The following PTCH2 variants were observed in gnomAD, a reference collection of about 807,000 sequenced individuals.
The protein encoded by PTCH2 is patched 2.
In PTCH2, 96 loss-of-function variants were observed where a neutral mutation model predicts 117.9. The observed-to-expected ratio is 0.81, with a 90% CI of 0.69 to 0.96. The LOEUF is 0.96. PTCH2 is among the 50% of genes least tolerant of loss of function. The pLI is 0.00. For synonymous variants in PTCH2, 615 were observed against 660.9 expected (o/e 0.93, Z 1.06); for missense variants, 1,379 against 1,562.5 (o/e 0.88, Z 1.98).
intron 2 of PTCH2, among the ~76,000 whole-genome samples, chr1:44,835,061 A>G (rs1653624980): frequency 6.6e-6 from 1 of 152,164 alleles, no homozygotes; most frequent in Non-Finnish European, 1.5e-5. Context: ...AGATTGATAC[A>G]TGAAAAAACA....
In PTCH2 at chr1:44,826,636, T is replaced by G; in HGVS notation, c.2828A>C (p.His943Pro). 6.2e-7 allele frequency: 1 copy of G among 1,612,732 alleles called. No homozygotes were observed. Residue 943 changes from histidine (H) to proline (P), a missense_variant, in exon 18 of 22, where the codon CAC becomes CCC. Coordinates refer to ENST00000372192, the MANE Select transcript of PTCH2 (RefSeq NM_003738.5). The surrounding 1 kb of genome is among the most constrained non-coding windows in gnomAD (Gnocchi z 5.1). ...GAAGGGGGAGCCGCTGGGGTAGGCG[T>G]GCACCCCAGCCTGGCCGGCCTCTGC... ...ACAEAGQAGVHAYPSGSPFLF... is the reference protein window; with the variant it reads ...ACAEAGQAGVPAYPSGSPFLF...
intron 2 of PTCH2, among the ~76,000 whole-genome samples, chr1:44,833,383 G>T (rs1653543512): frequency 6.6e-6 from 1 of 151,452 alleles, no homozygotes; most frequent in African/African-American, 2.4e-5. Flanking sequence ...CAAACGTACT[G>T]CTTCTCTGAG....
At chr1:44,821,395 A>G (rs1652904626), downstream of PTCH2, among the ~76,000 whole-genome samples, 1 of 152,204 alleles carries the variant, frequency 6.6e-6, no homozygotes, top group East Asian at 1.9e-4. Context: ...GGCTGTCAGG[A>G]CAACCAACTT....
chr1:44,824,143 G>T (rs891004496), intron 19 of PTCH2, among the ~76,000 whole-genome samples: 1 of 152,174 alleles, frequency 6.6e-6, no homozygotes, highest in African/African-American at 2.4e-5. Context: ...ATAAATAGAA[G>T]AAGTTGGCCA....
chr1:44,835,876 G>A (rs962249478), intron 2 of PTCH2, among the ~76,000 whole-genome samples: 1 of 152,252 alleles, frequency 6.6e-6, no homozygotes, highest in Non-Finnish European at 1.5e-5. Context: ...AGCCAGGGAG[G>A]AGCCAGCGGC....
chr1:44,838,745 G>C (rs961110713), intron 2 of PTCH2, among the ~76,000 whole-genome samples: 1 of 98,364 alleles, frequency 1.0e-5, no homozygotes, highest in Admixed American at 1.1e-4. Flanking sequence ...TTTTTTTTTT[G>C]AGTCTCGCTC....
At chr1:44,838,579 C>T (rs559869593) in intron 2 of PTCH2, among the ~76,000 whole-genome samples, 18 of 152,058 alleles carry the variant, frequency 1.2e-4, no homozygotes, top group Non-Finnish European at 2.4e-4. Flanking sequence ...TGCCTCTGAA[C>T]GCTTGACTTT....
rs199987511 is a variant in PTCH2, at chr1:44,829,144, A to G, written c.1371+13T>C. 6.2e-7 allele frequency: 1 copy of G among 1,613,788 alleles called. No homozygotes were observed. The highest frequency in any genetic ancestry group is 1.3e-5 in the African/African-American group (1 of 74,940). On this transcript the variant is annotated intron_variant, in intron 10 of 21. Coordinates refer to ENST00000372192, the MANE Select transcript of PTCH2 (RefSeq NM_003738.5). The stretch of plus-strand genomic sequence containing the variant: ...GTGACTGGCACTGAGTCTGCCCTGC[A>G]GTCCTGGCGTACCTGGGTAGTGGCA...
rs530729648 is a variant in PTCH2 at position 44,836,696 on chromosome 1, C to T, written c.266-4355G>A. On this transcript the variant is annotated intron_variant, in intron 2 of 21. Transcript: ENST00000372192. ...CTCCAGCCTGGGCTAGAGAGCAAGACTCTGTCTCGGGGGATGGAAAAGAAA... is the reference window on the plus strand; with the variant it reads ...CTCCAGCCTGGGCTAGAGAGCAAGATTCTGTCTCGGGGGATGGAAAAGAAA... Among the ~76,000 whole-genome samples the T allele has an allele frequency of 2.0e-5, 3 of 151,984 alleles. No individual in the cohort carries two copies. The South Asian group carries it at 6.2e-4, about 32-fold the overall frequency.
rs1338507465 is a variant in PTCH2, at chr1:44,831,733, T to C, written c.590A>G (p.Lys197Arg). 1 of 1,568,808 alleles carries C rather than the reference T, an allele frequency of 6.4e-7. No homozygotes were observed. The highest frequency in any genetic ancestry group is 1.4e-5 in the African/African-American group (1 of 73,612). The change falls in exon 5 of 22, where the codon AAA becomes AGA. Residue 197 changes from lysine to arginine, a missense_variant. By Grantham distance (26) the Lys-to-Arg change is conservative (BLOSUM62 2). Coordinates refer to ENST00000372192, the MANE Select transcript of PTCH2 (RefSeq NM_003738.5). The surrounding 1 kb of genome is among the most constrained non-coding windows in gnomAD (Gnocchi z 4.3). ...CAGGTAGGCGGAGCCCCCTTGGAGT[T>C]TGGCTCCCTCCCAGAAGCAGTCGAG... ...TPLDCFWEGA[K>R]LQGGSAYLPG...
rs538894363 is a variant in PTCH2, at chr1:44,828,338, C to T, written c.1667G>A (p.Arg556Gln). 1.4e-5 allele frequency: 22 copies of T among 1,614,044 alleles called. 1 individual carries two copies. In the South Asian group the frequency reaches 1.4e-4, roughly 10 times the overall value. ...CACATCAAGGCGCTGGCAGTGGCGC[C>T]GCCGTAGGTCCAGGCTGAGGATGGC... ...FPAILSLDLRRRHCQRLDVLC... is the reference protein window; with the variant it reads ...FPAILSLDLRQRHCQRLDVLC... Residue 556 changes from arginine (R) to glutamine (Q), a missense_variant, in exon 13 of 22, where the codon CGG (arginine) becomes CAG (glutamine). Physicochemically the swap from Arg to Gln is conservative, Grantham distance 43. Coordinates refer to ENST00000372192, the MANE Select transcript of PTCH2 (RefSeq NM_003738.5).
rs377325413 is a variant in PTCH2 at position 44,826,955 on chromosome 1, G to A, written c.2642C>T (p.Pro881Leu). The A allele has an allele frequency of 1.6e-5, 26 of 1,613,934 alleles. No individual in the cohort carries two copies. Among genetic ancestry groups the A allele is most frequent in the Non-Finnish European group, 2.1e-5 (25 of 1,180,016 alleles). Residue 881 changes from proline (P) to leucine (L), a missense_variant, in exon 17 of 22, where the codon CCA becomes CTA. Transcript: ENST00000372192. The surrounding 1 kb of genome is among the most constrained non-coding windows in gnomAD (Gnocchi z 5.1). ...TTTGTCGTGCAGCCATTCAGGAGGTGGGGGGTAGAAGTTGGCCTGTGAGGC... is the reference window on the plus strand; with the variant it reads ...TTTGTCGTGCAGCCATTCAGGAGGTAGGGGGTAGAAGTTGGCCTGTGAGGC... ...LAASQANFYPPPPEWLHDKYD... is the reference protein window; with the variant it reads ...LAASQANFYPLPPEWLHDKYD...
chr1:44,825,480 G>A (rs1653103294), intron 19 of PTCH2, among the ~76,000 whole-genome samples: 1 of 152,046 alleles, frequency 6.6e-6, no homozygotes, highest in Non-Finnish European at 1.5e-5. Flanking sequence ...TTCCTTGGAG[G>A]TAAAAAACTG....
At chr1:44,838,485 C>A (rs1490955918) in intron 2 of PTCH2, among the ~76,000 whole-genome samples, 2 of 152,212 alleles carry the variant, frequency 1.3e-5, no homozygotes, top group East Asian at 3.9e-4. Flanking sequence ...AAGTGATCCA[C>A]CCGCTTCGGC....
intron 2 of PTCH2, among the ~76,000 whole-genome samples, chr1:44,835,051 AGATT>A (rs1352974423): frequency 6.6e-6 from 1 of 152,198 alleles, no homozygotes; most frequent in Admixed American, 6.5e-5. Flanking sequence ...GAGAATATCA[AGATT>A]GATACATGAA....
chr1:44,831,720 G>T lies in PTCH2; in HGVS notation c.603C>A (p.Gly201=). 6.4e-7 allele frequency: 1 copy of T among 1,561,470 alleles called. No homozygotes were observed. The highest frequency in any genetic ancestry group is 1.2e-5 in the South Asian group (1 of 85,270). The change falls in exon 5 of 22, where the codon GGC becomes GGA. Residue 201 remains glycine, a synonymous_variant. Transcript: ENST00000372192. The surrounding 1 kb of genome is among the most constrained non-coding windows in gnomAD (Gnocchi z 4.3). ...CFWEGAKLQG[G]SAYLPGRPDI... ...GTGGCACTCACGGCAGGTAGGCGGA[G>T]CCCCCTTGGAGTTTGGCTCCCTCCC...
In PTCH2 at chr1:44,828,537, G is replaced by C; in HGVS notation, c.1559C>G (p.Pro520Arg). The stretch of plus-strand genomic sequence containing the variant: ...GGAGAAGGCTCGCAGCGCAGGGATG[G>C]GAACGAGGGCAGCCATGAGGAAGGC... ...MAAFLMAALV[P>R]IPALRAFSLQ... is the part of the protein sequence containing the mutation. The change falls in exon 12 of 22, where the codon CCC (proline) becomes CGC (arginine). Residue 520 changes from proline to arginine, a missense_variant. Transcript: ENST00000372192. 1 of 1,614,134 alleles carries C rather than the reference G, an allele frequency of 6.2e-7. No homozygotes were observed. Among genetic ancestry groups the C allele is most frequent in the Non-Finnish European group, 8.5e-7 (1 of 1,180,024 alleles).
chr1:44,820,377 G>C (rs1433207078), downstream of PTCH2: 1 of 586,208 alleles, frequency 1.7e-6, no homozygotes, highest in Non-Finnish European at 3.2e-6. Flanking sequence ...CAGGGGTTAA[G>C]GTCCTGTCCC....
intron 1 of PTCH2, 54 bp from the exon 2 acceptor site, chr1:44,842,093 C>T: frequency 6.6e-7 from 1 of 1,506,324 alleles, no homozygotes; most frequent in Non-Finnish European, 9.2e-7. Context: ...TGCATGAAAT[C>T]CTTCCCTTCT....
Sources: allele counts gnomAD v4.1 joint callset (sites outside exome capture counted in the v4.1 genomes callset), GRCh38; gene constraint gnomAD v4.1.1; non-coding constraint Gnocchi (gnomAD v3.1); transcripts MANE v1.5; gene names NCBI Gene and HGNC (gene_info 2026-07-23, HGNC 2026-07-21).